The following ARHGAP8 variants were observed in gnomAD, a reference collection of about 807,000 sequenced individuals.
The protein encoded by ARHGAP8 is rho GTPase-activating protein 8.
ARHGAP8 carries 62 observed loss-of-function variants against 46.1 expected under a neutral mutation model. The ratio of observed to expected loss-of-function variants is 1.34; its 90% CI spans 1.10 to 1.66. The LOEUF (loss-of-function observed/expected upper bound fraction) is 1.66. Ranked by LOEUF, ARHGAP8 falls within the 40% of genes most tolerant of loss-of-function variation. The pLI is 0.00. For missense variants in ARHGAP8, 923 were observed against 568.4 expected (o/e 1.62, Z -6.34); for synonymous variants, 375 against 243.1 (o/e 1.54, Z -5.05).
chr22:44,756,863 C>T (rs1205538393), intron 1 of ARHGAP8, among the ~76,000 whole-genome samples: 1 of 151,920 alleles, frequency 6.6e-6, no homozygotes, highest in Non-Finnish European at 1.5e-5. Context: ...GAATCCATCC[C>T]TCACTTTTTT....
intron 1 of ARHGAP8, among the ~76,000 whole-genome samples, chr22:44,761,199 G>A (rs1555908569): frequency 7.1e-6 from 1 of 141,200 alleles, no homozygotes; most frequent in Non-Finnish European, 1.5e-5. Flanking sequence ...AAAGGATCAC[G>A]GAAATAAGTG....
chr22:44,815,110 G>A (rs1171050088), intron 5 of ARHGAP8, among the ~76,000 whole-genome samples: 2 of 152,220 alleles, frequency 1.3e-5, no homozygotes, highest in African/African-American at 4.8e-5. Context: ...CTGTTACAGA[G>A]ACAGGGCACA....
At chr22:44,798,675 T>G (rs1002602827) in intron 2 of ARHGAP8, among the ~76,000 whole-genome samples, 1 of 152,130 alleles carries the variant, frequency 6.6e-6, no homozygotes, top group African/African-American at 2.4e-5. Context: ...GAACGTTCTC[T>G]GTGCTGGACA....
intron 4 of ARHGAP8, 170 bp downstream of exon 4, chr22:44,808,608 A>G: frequency 7.8e-7 from 1 of 1,277,966 alleles, no homozygotes; most frequent in East Asian, 2.5e-5. Context: ...CTCTGGGCCA[A>G]GCTCTGGAAT....
Position 44,848,885 on chromosome 22 carries a change from G to A in ARHGAP8, c.749-47G>A, listed in dbSNP as rs1569178831. 1.9e-6 allele frequency: 3 copies of A among 1,609,582 alleles called. No individual in the cohort carries two copies. In the South Asian group the frequency reaches 3.3e-5, roughly 18 times the overall value. The stretch of plus-strand genomic sequence containing the variant: ...TCAGAGCTCGTTCTGCAGCGGCAGT[G>A]CCCAGGCCGGGGTGCAGACCTCAGC... On this transcript the variant is annotated intron_variant, in intron 9 of 11. Transcript: ENST00000356099.
chr22:44,858,322 C>T (rs1368555843), intron 10 of ARHGAP8, among the ~76,000 whole-genome samples: 6 of 151,006 alleles, frequency 4.0e-5, no homozygotes, highest in Non-Finnish European at 5.9e-5. Context: ...CATGTTCACA[C>T]ATGCACCCGC....
intron 1 of ARHGAP8, among the ~76,000 whole-genome samples, chr22:44,781,836 T>A (rs1041096323): frequency 6.6e-6 from 1 of 151,806 alleles, no homozygotes; most frequent in African/African-American, 2.4e-5. Context: ...ATTTTATTTA[T>A]TTTTATTTTA....
rs2070385882 is a variant in ARHGAP8, at chr22:44,859,927, CTGGGGTCATGCCCTGCT to C, written c.981+98_981+114del. ...GACCAGTCCCCTCCTTGCCCTGGGT[CTGGGGTCATGCCCTGCT>C]TGGGCCTCGGAATACCACTCCCTGC... On this transcript the variant is annotated intron_variant, in intron 11 of 11. Transcript: ENST00000356099. 1.1e-5 allele frequency: 16 copies of C among 1,439,200 alleles called. No individual in the cohort carries two copies. The South Asian group carries it at 2.1e-4, about 19-fold the overall frequency. 89.2% of individuals were successfully genotyped at this position (1,439,200 alleles called of 1,614,324 possible). A position where few individuals can be genotyped will look rare whatever the true frequency, so the allele number is the denominator to read the frequency against.
At chr22:44,843,107 G>A (rs1456271955) in intron 7 of ARHGAP8, among the ~76,000 whole-genome samples, 2 of 152,176 alleles carry the variant, frequency 1.3e-5, no homozygotes, top group African/African-American at 4.8e-5. Context: ...GGACAGGCAC[G>A]GAAGCCTTTC....
At chr22:44,858,058 CA>C (rs2070285501) in intron 10 of ARHGAP8, among the ~76,000 whole-genome samples, 1 of 152,232 alleles carries the variant, frequency 6.6e-6, no homozygotes, top group Non-Finnish European at 1.5e-5. Context: ...TTGAAATACT[CA>C]TTTCAAGGGA....
chr22:44,792,863 G>A (rs1344765939), intron 2 of ARHGAP8, among the ~76,000 whole-genome samples: 3 of 149,436 alleles, frequency 2.0e-5, no homozygotes, highest in African/African-American at 4.9e-5. Flanking sequence ...TTACTCTGTT[G>A]CTCAGGCTGG....
intron 2 of ARHGAP8, among the ~76,000 whole-genome samples, chr22:44,800,353 G>T (rs1293698294): frequency 1.3e-5 from 2 of 151,912 alleles, no homozygotes; most frequent in Non-Finnish European, 2.9e-5. Context: ...TGATCTGCCC[G>T]CCTCGGCCTC....
At chr22:44,815,063 C>A (rs1355226223) in intron 5 of ARHGAP8, among the ~76,000 whole-genome samples, 1 of 152,174 alleles carries the variant, frequency 6.6e-6, no homozygotes, top group Non-Finnish European at 1.5e-5. Flanking sequence ...GAGGGACTCA[C>A]AGATGTCAGG....
chr22:44,844,163 G>A (rs2069898595), intron 7 of ARHGAP8, among the ~76,000 whole-genome samples: 1 of 152,090 alleles, frequency 6.6e-6, no homozygotes, highest in African/African-American at 2.4e-5. Flanking sequence ...GTAGAGACGG[G>A]GTTTCACCAT....
intron 8 of ARHGAP8, 73 bp from the exon 9 acceptor site, chr22:44,847,900 G>A (rs9626578): frequency 0.25 from 386,950 of 1,572,632 alleles, 51,075 homozygotes; most frequent in Admixed American, 0.29. Context: ...CGTGGGCAGG[G>A]GAGTGTCATA....
chr22:44,809,614 G>A lies in ARHGAP8; in HGVS notation c.299+1176G>A, dbSNP rs1035342760. 4 of 175,004 alleles carry A rather than the reference G, an allele frequency of 2.3e-5. No homozygotes were observed. In the South Asian group the frequency reaches 5.1e-4, roughly 22 times the overall value. The allele number at this position is 175,004 out of a possible 1,614,324, so 10.8% of individuals were successfully genotyped here. On this transcript the variant is annotated intron_variant, in intron 4 of 11. Transcript: ENST00000356099. Reference sequence around the variant, plus strand: ...GGGCAGGATCCCACCCCAGGCCCCCGCCTCCCTCTCCCACCCAACGCTACT... The same window carrying A: ...GGGCAGGATCCCACCCCAGGCCCCCACCTCCCTCTCCCACCCAACGCTACT...
chr22:44,811,414 C>A (rs1196088318), intron 4 of ARHGAP8, among the ~76,000 whole-genome samples: 2 of 152,220 alleles, frequency 1.3e-5, no homozygotes, highest in African/African-American at 4.8e-5. Context: ...GGTGGAGAGA[C>A]TTGAAGCAGT....
chr22:44,823,798 C>T (rs990192043), intron 6 of ARHGAP8, among the ~76,000 whole-genome samples: 4 of 152,094 alleles, frequency 2.6e-5, no homozygotes, highest in Admixed American at 1.3e-4. Flanking sequence ...CACGCAGCTC[C>T]GGCTTCTCAG....
intron 1 of ARHGAP8, among the ~76,000 whole-genome samples, chr22:44,785,036 G>C (rs898269574): frequency 6.6e-6 from 1 of 152,184 alleles, no homozygotes; most frequent in Non-Finnish European, 1.5e-5. Flanking sequence ...GGGGTAGACC[G>C]GGACTGAGTG....
Sources: allele counts gnomAD v4.1 joint callset (sites outside exome capture counted in the v4.1 genomes callset), GRCh38; gene constraint gnomAD v4.1.1; transcripts MANE v1.5; gene names NCBI Gene and HGNC (gene_info 2026-07-23, HGNC 2026-07-21).